CDK17: variants seen among roughly 807,000 people sequenced by gnomAD.
CDK17 encodes the protein cyclin dependent kinase 17.
A neutral mutation model predicts 77.6 loss-of-function variants in CDK17; 24 were observed. The ratio of observed to expected loss-of-function variants is 0.31; its 90% CI spans 0.22 to 0.44. The LOEUF (loss-of-function observed/expected upper bound fraction) is 0.44. Ranked by LOEUF, CDK17 falls within the 20% of genes least tolerant of loss-of-function variation. The pLI, the probability that CDK17 is intolerant of heterozygous loss-of-function variation, is 1.00. For missense variants in CDK17, 429 were observed against 622.5 expected (o/e 0.69, Z 3.31); for synonymous variants, 203 against 210.4 (o/e 0.96, Z 0.30).
chr12:96,303,289 G>C (rs1326019910), intron 5 of CDK17: 1 of 152,008 alleles, frequency 6.6e-6, no homozygotes, highest in Non-Finnish European at 1.5e-5. Context: ...GATTATTTTA[G>C]AATATTTTAA....
intron 1 of CDK17, among the ~76,000 whole-genome samples, chr12:96,359,118 C>G (rs1953455145): frequency 6.6e-6 from 1 of 151,928 alleles, no homozygotes; most frequent in African/African-American, 2.4e-5. Flanking sequence ...CTTGGCCCAC[C>G]AACGTATCTA....
intron 1 of CDK17, among the ~76,000 whole-genome samples, chr12:96,361,482 C>G (rs1045338319): frequency 3.9e-5 from 6 of 152,150 alleles, no homozygotes; most frequent in Non-Finnish European, 7.3e-5. Flanking sequence ...ATGGGTAAGT[C>G]TGAAGCTGAA....
At chr12:96,358,992 T>C (rs999855636) in intron 1 of CDK17, among the ~76,000 whole-genome samples, 5 of 149,630 alleles carry the variant, frequency 3.3e-5, no homozygotes, top group African/African-American at 4.9e-5. Context: ...TTTTTTTTTT[T>C]CCTGAAACAA....
chr12:96,336,349 A>C (rs1953040769), intron 1 of CDK17, among the ~76,000 whole-genome samples: 1 of 152,134 alleles, frequency 6.6e-6, no homozygotes, highest in African/African-American at 2.4e-5. Context: ...CTGTATGCCC[A>C]GCTACTCAGG....
At chr12:96,333,222 A>G (rs1159655875) in intron 2 of CDK17, among the ~76,000 whole-genome samples, 1 of 152,182 alleles carries the variant, frequency 6.6e-6, no homozygotes, top group East Asian at 1.9e-4. Flanking sequence ...TATCTAGAAT[A>G]GGTCCTCTGG....
chr12:96,373,608 A>G (rs958263851), intron 1 of CDK17, among the ~76,000 whole-genome samples: 1 of 151,014 alleles, frequency 6.6e-6, no homozygotes, highest in Non-Finnish European at 1.5e-5. Context: ...AAGAAAAGAG[A>G]GAGAGAGAAA....
At chr12:96,365,551 T>G (rs1334266647) in intron 1 of CDK17, among the ~76,000 whole-genome samples, 2 of 152,206 alleles carry the variant, frequency 1.3e-5, no homozygotes, top group Non-Finnish European at 2.9e-5. Context: ...TTTTGTGAAA[T>G]TAAGCAATAT....
intron 10 of CDK17, among the ~76,000 whole-genome samples, chr12:96,292,269 A>G (rs1490614173): frequency 6.6e-6 from 1 of 152,066 alleles, no homozygotes; most frequent in African/African-American, 2.4e-5. Flanking sequence ...TACTTGAAAC[A>G]CTCATATTTA....
At chr12:96,392,061 AC>A (rs1380283154) in intron 1 of CDK17, among the ~76,000 whole-genome samples, 2 of 152,216 alleles carry the variant, frequency 1.3e-5, no homozygotes, top group Admixed American at 6.5e-5. Flanking sequence ...GAAAAAAAAC[AC>A]GGCCTCTCTG....
intron 3 of CDK17, among the ~76,000 whole-genome samples, chr12:96,316,513 AAAC>A (rs1834031489): frequency 6.7e-6 from 1 of 149,420 alleles, no homozygotes; most frequent in African/African-American, 2.5e-5. Flanking sequence ...GGGCACAGAC[AAAC>A]AAAAAGACAG....
Position 96,278,363 on chromosome 12 carries a change from C to T in CDK17, c.*1879G>A, listed in dbSNP as rs1052175041. The T allele has an allele frequency of 6.6e-6, 1 of 152,044 alleles. No homozygotes were observed. Among genetic ancestry groups the T allele is most frequent in the Non-Finnish European group, 1.5e-5 (1 of 67,978 alleles). The allele number at this position is 152,044 out of a possible 1,614,324, so 9.4% of individuals were successfully genotyped here. A position where few individuals can be genotyped will look rare whatever the true frequency, so the allele number is the denominator to read the frequency against. ...ATTCTATGAAGTGACAAATTTGATA[C>T]TTTATAATTGAGAGTGCTATAAAAA... On this transcript the variant is annotated 3_prime_UTR_variant, in exon 17 of 17. Transcript: ENST00000261211.
intron 15 of CDK17, among the ~76,000 whole-genome samples, chr12:96,281,375 C>T (rs1952176131): frequency 6.6e-6 from 1 of 152,098 alleles, no homozygotes; most frequent in African/African-American, 2.4e-5. Flanking sequence ...ACACAAATAC[C>T]TTTTTCTTTT....
intron 2 of CDK17, among the ~76,000 whole-genome samples, chr12:96,332,076 A>G (rs1004920707): frequency 9.2e-5 from 14 of 152,136 alleles, no homozygotes; most frequent in African/African-American, 3.4e-4. Context: ...TTCCTTTTCT[A>G]TGTTTAGATA....
At chr12:96,398,045 A>T (rs979219565) in intron 1 of CDK17, among the ~76,000 whole-genome samples, 5 of 152,176 alleles carry the variant, frequency 3.3e-5, no homozygotes, top group Non-Finnish European at 2.9e-5. Flanking sequence ...CTTTCCATTT[A>T]TACTTCAATA....
chr12:96,356,523 G>A (rs1953397472), intron 1 of CDK17, among the ~76,000 whole-genome samples: 1 of 151,970 alleles, frequency 6.6e-6, no homozygotes, highest in African/African-American at 2.4e-5. Flanking sequence ...CTCCCACCTG[G>A]GCCTCCTAAA....
chr12:96,359,609 A>G (rs1953462397), intron 1 of CDK17, among the ~76,000 whole-genome samples: 1 of 152,238 alleles, frequency 6.6e-6, no homozygotes, highest in Non-Finnish European at 1.5e-5. Flanking sequence ...TTCCTATCAT[A>G]TTCCCAAGAA....
rs754551308 is a variant in CDK17, at chr12:96,289,178, C to T, written c.1107G>A (p.Gln369=). The T allele has an allele frequency of 3.7e-6, 6 of 1,613,700 alleles. No individual in the cohort carries two copies. In the African/African-American group the frequency reaches 5.3e-5, roughly 14 times the overall value. The part of the protein sequence containing the change: ...VLLGSSEYST[Q]IDMWGVGCIF... ...CTGTATATATTTACCACATGTCAAT[C>T]TGTGTTGAGTACTCCGAGGAACCAA... The change falls in exon 11 of 17, where the codon CAG becomes CAA. Residue 369 remains glutamine (Q), a synonymous_variant. Transcript: ENST00000261211.
chr12:96,336,290 T>G (rs1592736248), intron 1 of CDK17, among the ~76,000 whole-genome samples: 1 of 151,898 alleles, frequency 6.6e-6, no homozygotes, highest in East Asian at 1.9e-4. Context: ...CGAGAATTTG[T>G]CTCTACTGAA....
At chr12:96,368,921 T>C (rs970775755) in intron 1 of CDK17, among the ~76,000 whole-genome samples, 4 of 149,458 alleles carry the variant, frequency 2.7e-5, no homozygotes, top group Non-Finnish European at 5.9e-5. Context: ...TAAAATGTCA[T>C]GATAGTTGCT....
Sources: allele counts gnomAD v4.1 joint callset (sites outside exome capture counted in the v4.1 genomes callset), GRCh38; gene constraint gnomAD v4.1.1; transcripts MANE v1.5; gene names NCBI Gene and HGNC (gene_info 2026-07-23, HGNC 2026-07-21).